The following PTK2 variants were observed in gnomAD, a reference collection of about 807,000 sequenced individuals.
The protein encoded by PTK2 is focal adhesion kinase 1.
Under a neutral mutation model 150.1 loss-of-function variants are expected in PTK2, and 45 were observed. The observed-to-expected ratio is 0.30, with a 90% CI of 0.24 to 0.38. The LOEUF (loss-of-function observed/expected upper bound fraction) is 0.38, where lower values mean the gene tolerates loss of function less well. Ranked by LOEUF, PTK2 falls within the 10% of genes least tolerant of loss-of-function variation. The pLI is 1.00. For synonymous variants in PTK2, 432 were observed against 449.2 expected (o/e 0.96, Z 0.48); for missense variants, 919 against 1,307.3 (o/e 0.70, Z 4.58).
At chr8:140,836,076 G>C (rs955386705) in intron 7 of PTK2, among the ~76,000 whole-genome samples, 2 of 150,944 alleles carry the variant, frequency 1.3e-5, no homozygotes, top group African/African-American at 4.9e-5. Context: ...ATAATTATCT[G>C]GTTTTTTTTT....
At position 140,746,863 on chromosome 8, in the gene PTK2, AG is replaced by A; in HGVS notation, c.1418-4del. ...ATGGTCAAACTGACGCATTGTTACT[AG>A]GAAAAAAGTTCTCCATAGTTATTCT... On this transcript the variant is annotated splice_region_variant and splice_polypyrimidine_tract_variant and intron_variant, in intron 17 of 31. Transcript: ENST00000522684. 6.4e-7 allele frequency: 1 copy of A among 1,571,996 alleles called. No individual in the cohort carries two copies. Among genetic ancestry groups the A allele is most frequent in the Non-Finnish European group, 8.7e-7 (1 of 1,151,146 alleles).
chr8:140,944,785 A>G (rs549635944), intron 1 of PTK2, among the ~76,000 whole-genome samples: 66 of 152,306 alleles, frequency 4.3e-4, no homozygotes, highest in South Asian at 2.1e-3. Context: ...AGTCCCATGC[A>G]TTTACACAAA....
At chr8:140,699,944 A>G (rs2100029244) in intron 26 of PTK2, among the ~76,000 whole-genome samples, 1 of 152,274 alleles carries the variant, frequency 6.6e-6, no homozygotes, top group Middle Eastern at 3.4e-3. Context: ...CCAAAACCTA[A>G]AAAGTGCTGA....
At chr8:140,837,163 C>A (rs533540765) in intron 7 of PTK2, among the ~76,000 whole-genome samples, 136 of 152,276 alleles carry the variant, frequency 8.9e-4, no homozygotes, top group African/African-American at 3.1e-3. Flanking sequence ...AAATAAAAGT[C>A]TTGTCTGTTT....
exon 25 of PTK2, chr8:140,702,694 G>A: frequency 1.9e-6 from 3 of 1,613,914 alleles, no homozygotes; most frequent in Non-Finnish European, 1.7e-6. Context: ...ATGTGAACCA[G>A]GGTAGCCAGA....
At chr8:140,873,852 T>C (rs776931319) in intron 4 of PTK2, among the ~76,000 whole-genome samples, 2 of 152,238 alleles carry the variant, frequency 1.3e-5, no homozygotes, top group Admixed American at 1.3e-4. Flanking sequence ...TTGCAACTTG[T>C]TCTTGTACTT....
intron 3 of PTK2, among the ~76,000 whole-genome samples, chr8:140,880,139 C>T (rs761160140): frequency 3.3e-5 from 5 of 152,190 alleles, no homozygotes; most frequent in Non-Finnish European, 7.3e-5. Flanking sequence ...GTTAAGGCTA[C>T]GTTTCTGGTG....
At chr8:140,852,559 T>C (rs2100129971) in intron 5 of PTK2, among the ~76,000 whole-genome samples, 1 of 152,236 alleles carries the variant, frequency 6.6e-6, no homozygotes, top group Admixed American at 6.5e-5. Context: ...ACTGAAGTGG[T>C]AATTACTGGA....
At chr8:140,690,086 G>A (rs2100022196) in intron 26 of PTK2, among the ~76,000 whole-genome samples, 1 of 152,170 alleles carries the variant, frequency 6.6e-6, no homozygotes, top group Non-Finnish European at 1.5e-5. Flanking sequence ...CTGAGTAGCT[G>A]GGACTACAGG....
At chr8:140,862,363 A>C (rs1255734816) in intron 5 of PTK2, among the ~76,000 whole-genome samples, 1 of 152,200 alleles carries the variant, frequency 6.6e-6, no homozygotes, top group East Asian at 1.9e-4. Flanking sequence ...AGTTCAACAG[A>C]TTCCTAAAGG....
intron 23 of PTK2, among the ~76,000 whole-genome samples, chr8:140,709,173 C>T (rs1411039072): frequency 1.3e-5 from 2 of 152,010 alleles, no homozygotes; most frequent in Non-Finnish European, 2.9e-5. Context: ...ATCTACTGTG[C>T]CATGATGCTA....
chr8:140,686,186 ACT>A (rs2100019682), intron 27 of PTK2, among the ~76,000 whole-genome samples: 1 of 152,110 alleles, frequency 6.6e-6, no homozygotes, highest in East Asian at 1.9e-4. Context: ...GGAGCTAAAC[ACT>A]CAGTACACAC....
At chr8:140,712,716 T>C (rs1017440148) in intron 23 of PTK2, among the ~76,000 whole-genome samples, 3 of 152,200 alleles carry the variant, frequency 2.0e-5, no homozygotes, top group South Asian at 2.1e-4. Context: ...AAACAACATA[T>C]ATTTTTAAAA....
intron 5 of PTK2, among the ~76,000 whole-genome samples, chr8:140,859,929 G>C (rs2100135066): frequency 6.6e-6 from 1 of 152,164 alleles, no homozygotes; most frequent in South Asian, 2.1e-4. Context: ...ATTCTGCATT[G>C]AGACTTTACC....
chr8:140,999,675 A>G (rs73716504), intron 1 of PTK2, among the ~76,000 whole-genome samples: 4,416 of 152,304 alleles, frequency 0.029, 207 homozygotes, highest in African/African-American at 0.099. Flanking sequence ...CGCACTGCTC[A>G]TAAGTTTTCA....
At chr8:140,989,348 T>C (rs2100194757) in intron 1 of PTK2, among the ~76,000 whole-genome samples, 1 of 150,470 alleles carries the variant, frequency 6.6e-6, no homozygotes, top group Admixed American at 6.6e-5. Flanking sequence ...GAGCTATGAC[T>C]GCACCACTGC....
chr8:140,711,303 C>T (rs934541578), intron 23 of PTK2, among the ~76,000 whole-genome samples: 3 of 152,128 alleles, frequency 2.0e-5, no homozygotes, highest in Admixed American at 6.5e-5. Flanking sequence ...GACAGGGTTT[C>T]GCCATGTTGC....
rs748057951 is a variant in PTK2 at position 140,934,313 on chromosome 8, C to A, written c.-121-8564G>T. Among the ~76,000 whole-genome samples, 140 of 152,256 alleles carry A rather than the reference C, an allele frequency of 9.2e-4. 3 individuals carry two copies. The highest frequency in any genetic ancestry group is 6.8e-3 in the Middle Eastern group (2 of 294). On this transcript the variant is annotated intron_variant, in intron 1 of 31. Transcript: ENST00000522684. ...GTCCCAGCTACTCAGGAGGCTGAGG[C>A]AGGAGGACAGCTTAAGGACAGGAGT...
chr8:140,967,078 T>TA (rs1479906334), intron 1 of PTK2, among the ~76,000 whole-genome samples: 2 of 152,198 alleles, frequency 1.3e-5, no homozygotes, highest in African/African-American at 2.4e-5. Context: ...CAGCCCTAAC[T>TA]GGTTACTATA....
Sources: allele counts gnomAD v4.1 joint callset (sites outside exome capture counted in the v4.1 genomes callset), GRCh38; gene constraint gnomAD v4.1.1; transcripts MANE v1.5; gene names NCBI Gene and HGNC (gene_info 2026-07-23, HGNC 2026-07-21).